Variants in SAMM50 observed in about 807,000 individuals in gnomAD.
The protein encoded by SAMM50 is SAMM50 sorting and assembly machinery component.
In SAMM50, 47 loss-of-function variants were observed where a neutral mutation model predicts 66.9. The observed-to-expected ratio is 0.70, with a 90% confidence interval of 0.56 to 0.90. The LOEUF is 0.90. Ranked by LOEUF, SAMM50 falls within the 40% of genes least tolerant of loss-of-function variation. The pLI is 0.00. For missense variants in SAMM50, 535 were observed against 595.3 expected (o/e 0.90, Z 1.05); for synonymous variants, 191 against 214.1 (o/e 0.89, Z 0.94).
In SAMM50 at chr22:43,989,203, C is replaced by CA. The variant is rs1329474887; in HGVS notation, c.1168_1169insA (p.Leu390HisfsTer28). On this transcript the variant is annotated frameshift_variant, in exon 13 of 15. Transcript: ENST00000350028. LOFTEE classifies it high-confidence loss of function. ...GCCAGGCCAGGGTGGCTTTGGAGAA[C>CA]TTTTCCGAACACACTTCTTTCTCAA... 6.2e-7 allele frequency: 1 copy of CA among 1,614,058 alleles called. No individual in the cohort carries two copies. The highest frequency in any genetic ancestry group is 8.5e-7 in the Non-Finnish European group (1 of 1,180,034).
intron 3 of SAMM50, among the ~76,000 whole-genome samples, chr22:43,968,226 C>CAAAAAAAAACAAAAAAAA (rs2050183614): frequency 1.5e-5 from 1 of 68,648 alleles, no homozygotes; most frequent in Non-Finnish European, 2.8e-5. Flanking sequence ...AACTCTGTCT[C>CAAAAAAAAACAAAAAAAA]AAAAAAAAAA....
intron 2 of SAMM50, 58 bp downstream of exon 2, chr22:43,963,454 C>A: frequency 9.4e-7 from 1 of 1,060,630 alleles, no homozygotes; most frequent in Non-Finnish European, 1.4e-6. Flanking sequence ...CACTTCCATA[C>A]ACCACTAGGG....
At chr22:43,989,394 T>A in intron 13 of SAMM50, 137 bp downstream of exon 13, 1 of 888,634 alleles carries the variant, frequency 1.1e-6, no homozygotes, top group Non-Finnish European at 1.6e-6. Context: ...TGGAGTGCAG[T>A]GGCGCAATCT....
chr22:43,990,186 G>T, intron 13 of SAMM50, 79 bp from the exon 14 acceptor site: 1 of 1,570,816 alleles, frequency 6.4e-7, no homozygotes. Context: ...GCCAGGGGGA[G>T]CCAGGGCTTG....
intron 11 of SAMM50, among the ~76,000 whole-genome samples, chr22:43,982,698 C>T (rs1467740322): frequency 6.6e-6 from 1 of 152,224 alleles, no homozygotes; most frequent in Non-Finnish European, 1.5e-5. Context: ...TGCAGTGGCA[C>T]GATCTCGACT....
chr22:43,973,153 G>A lies in SAMM50; in HGVS notation c.561-83G>A, dbSNP rs188265282. The A allele has an allele frequency of 2.0e-4, 264 of 1,305,688 alleles. 4 individuals carry two copies. The East Asian group carries it at 5.7e-3, about 28-fold the overall frequency. 80.9% of individuals were successfully genotyped at this position (1,305,688 alleles called of 1,614,324 possible). A position where few individuals can be genotyped will look rare whatever the true frequency, so the allele number is the denominator to read the frequency against. On this transcript the variant is annotated intron_variant, in intron 6 of 14. Transcript: ENST00000350028. ...CCTCTTGAAGATGAGCCCTACGGGC[G>A]TAGTGTTAAGTCTGTTGATTTAAAT...
intron 12 of SAMM50, among the ~76,000 whole-genome samples, chr22:43,986,049 T>C (rs1315844740): frequency 7.5e-6 from 1 of 134,068 alleles, no homozygotes; most frequent in Non-Finnish European, 1.5e-5. Flanking sequence ...CTTTCTTTTT[T>C]TTTTTTTTTT....
intron 14 of SAMM50, among the ~76,000 whole-genome samples, chr22:43,995,079 C>T (rs146640949): frequency 6.6e-6 from 1 of 152,148 alleles, no homozygotes; most frequent in Non-Finnish European, 1.5e-5. Context: ...AAATGCAGCC[C>T]GGGTTTTGAT....
intron 8 of SAMM50, 60 bp from the exon 9 acceptor site, chr22:43,976,686 AGTGC>A: frequency 8.2e-7 from 1 of 1,218,268 alleles, no homozygotes; most frequent in Admixed American, 1.7e-5. Context: ...ACGTGCTGTG[AGTGC>A]TCATGGTTAT....
chr22:43,989,365 T>C, intron 13 of SAMM50, 108 bp downstream of exon 13: 1 of 1,110,592 alleles, frequency 9.0e-7, no homozygotes, highest in Non-Finnish European at 1.2e-6. Context: ...TGAGATGGAG[T>C]CTCGCTCTAT....
chr22:43,968,899 T>C (rs568932936), intron 4 of SAMM50, 81 bp downstream of exon 4: 17 of 959,110 alleles, frequency 1.8e-5, no homozygotes, highest in Non-Finnish European at 2.9e-5. Flanking sequence ...GATGCAGATC[T>C]GGGCAGCAGA....
chr22:43,973,497 C>T (rs1273797768), intron 7 of SAMM50, among the ~76,000 whole-genome samples, 174 bp downstream of exon 7: 6 of 152,202 alleles, frequency 3.9e-5, no homozygotes, highest in African/African-American at 9.7e-5. Flanking sequence ...TACAGGGACC[C>T]GAGAGTGGCT....
chr22:43,993,335 G>A (rs2146830411), intron 14 of SAMM50, among the ~76,000 whole-genome samples: 1 of 152,372 alleles, frequency 6.6e-6, no homozygotes, highest in Admixed American at 6.5e-5. Flanking sequence ...AGTGCTCTTT[G>A]TAGCCACTGG....
At chr22:43,979,724 C>T (rs1350793300) in intron 10 of SAMM50, among the ~76,000 whole-genome samples, 2 of 152,108 alleles carry the variant, frequency 1.3e-5, no homozygotes, top group Admixed American at 1.3e-4. Flanking sequence ...CACTTTCCTA[C>T]ACAAACTGCT....
At chr22:43,959,809 GTGAA>G (rs1603418495) in intron 1 of SAMM50, among the ~76,000 whole-genome samples, 2 of 152,214 alleles carry the variant, frequency 1.3e-5, no homozygotes, top group East Asian at 3.9e-4. Context: ...TTAATATTTG[GTGAA>G]TGAATGAATA....
At chr22:43,960,469 C>G (rs2064361) in intron 1 of SAMM50, among the ~76,000 whole-genome samples, 29,563 of 152,132 alleles carry the variant, frequency 0.19, 3,096 homozygotes, top group East Asian at 0.34. Context: ...TGGTTCACGC[C>G]TGTAATCCCA....
intron 12 of SAMM50, among the ~76,000 whole-genome samples, chr22:43,984,636 A>T (rs2050282450): frequency 7.6e-6 from 1 of 131,232 alleles, no homozygotes; most frequent in South Asian, 2.5e-4. Flanking sequence ...TAATATTATC[A>T]TTATTATTTT....
chr22:43,964,538 CA>C lies in SAMM50; in HGVS notation c.224del (p.Asn75ThrfsTer2). On this transcript the variant is annotated frameshift_variant, in exon 3 of 15. Coordinates refer to ENST00000350028, the MANE Select transcript of SAMM50 (RefSeq NM_015380.5). LOFTEE classifies it high-confidence loss of function. ...ICEIGDVFKAKNLIEVMRKSH... is the reference protein window; with the variant it reads ...ICEIGDVFKAXNLIEVMRKSH... ...GTGAAATTGGAGATGTTTTCAAGGC[CA>C]AAAACCTAATTGAGGTAGGTGTGGT... 3.1e-6 allele frequency: 5 copies of C among 1,591,100 alleles called. No individual in the cohort carries two copies. Among genetic ancestry groups the C allele is most frequent in the Non-Finnish European group, 4.3e-6 (5 of 1,159,152 alleles).
At chr22:43,982,332 A>G (rs1053157576) in intron 11 of SAMM50, among the ~76,000 whole-genome samples, 1 of 152,268 alleles carries the variant, frequency 6.6e-6, no homozygotes, top group Non-Finnish European at 1.5e-5. Flanking sequence ...AAACTGCCTT[A>G]TGTAAGTTCC....
Sources: gnomAD v4.1 joint callset for allele counts (sites outside exome capture counted in the v4.1 genomes callset) on GRCh38, gnomAD v4.1.1 for gene constraint, MANE v1.5 for transcripts, NCBI Gene and HGNC (gene_info 2026-07-23, HGNC 2026-07-21) for gene names.